CDH18: variants seen among roughly 807,000 people sequenced by gnomAD.
The protein encoded by CDH18 is cadherin 18.
Under a neutral mutation model 67.9 loss-of-function variants are expected in CDH18, and 31 were observed. That is an observed-to-expected ratio of 0.46 (90% CI 0.34 to 0.62). The LOEUF (loss-of-function observed/expected upper bound fraction) is 0.62, where lower values mean the gene tolerates loss of function less well. Among genes scored for constraint, CDH18 ranks in the 20% least tolerant of loss-of-function variants. The pLI is 0.01. For synonymous variants in CDH18, 362 were observed against 347.2 expected (o/e 1.04, Z -0.48); for missense variants, 890 against 975.5 (o/e 0.91, Z 1.17).
At chr5:20,010,781 T>C (rs1429355633) in intron 2 of CDH18, among the ~76,000 whole-genome samples, 1 of 152,134 alleles carries the variant, frequency 6.6e-6, no homozygotes, top group Non-Finnish European at 1.5e-5. Context: ...ACTATCTCCT[T>C]TGTTTTTTAC....
rs370630427 is a variant in CDH18, at chr5:19,520,710, C to T, written c.1459G>A (p.Glu487Lys). The T allele has an allele frequency of 1.3e-5, 21 of 1,613,134 alleles. No individual in the cohort carries two copies. The highest frequency in any genetic ancestry group is 1.1e-4 in the African/African-American group (8 of 74,868). Residue 487 changes from glutamate (E) to lysine (K), a missense_variant, in exon 10 of 13, where the codon GAA (glutamate) becomes AAA (lysine). Physicochemically the swap from Glu to Lys is moderately conservative, Grantham distance 56 (BLOSUM62 1). This residue lies in a region of CDH18 where 656 missense variants were observed against 668.1 expected (regional missense o/e 0.98). Coordinates refer to ENST00000382275, the MANE Select transcript of CDH18 (RefSeq NM_004934.5). ...RVLDVNDNPP[E>K]LAREYDIIVC... The stretch of plus-strand genomic sequence containing the variant: ...ATAATATCATATTCCCTGGCAAGTT[C>T]GGGTGGATTGTCATTGACATCCAGA...
chr5:20,213,871 T>C (rs1409979819), intron 2 of CDH18, among the ~76,000 whole-genome samples: 5 of 152,018 alleles, frequency 3.3e-5, no homozygotes, highest in Admixed American at 1.3e-4. Flanking sequence ...TCTTAGTGTC[T>C]CAGTCTCATT....
At chr5:20,035,891 G>T (rs1239411276) in intron 2 of CDH18, among the ~76,000 whole-genome samples, 2 of 151,766 alleles carry the variant, frequency 1.3e-5, no homozygotes, top group Non-Finnish European at 2.9e-5. Context: ...TCTTGTTTCT[G>T]GTTTCACTTT....
intron 12 of CDH18, among the ~76,000 whole-genome samples, chr5:19,479,473 A>G (rs369859020): frequency 1.3e-5 from 2 of 152,184 alleles, no homozygotes; most frequent in African/African-American, 4.8e-5. Flanking sequence ...ATACTTTCTG[A>G]ATAACAATAA....
At chr5:19,692,780 T>G (rs1022300457) in intron 5 of CDH18, among the ~76,000 whole-genome samples, 1 of 151,934 alleles carries the variant, frequency 6.6e-6, no homozygotes, top group Non-Finnish European at 1.5e-5. Context: ...ATACTCTTAG[T>G]TGGGATGTAA....
chr5:20,203,168 T>C (rs967317403), intron 2 of CDH18, among the ~76,000 whole-genome samples: 1 of 152,156 alleles, frequency 6.6e-6, no homozygotes, highest in Non-Finnish European at 1.5e-5. Context: ...GTGATGGAGA[T>C]GAACAATCAG....
chr5:19,749,665 T>C (rs1770577929), intron 3 of CDH18, among the ~76,000 whole-genome samples: 1 of 150,910 alleles, frequency 6.6e-6, no homozygotes, highest in Non-Finnish European at 1.5e-5. Flanking sequence ...ACCTACAGCA[T>C]CTATTAAGCA....
At chr5:20,129,879 T>C (rs1205294626) in intron 2 of CDH18, among the ~76,000 whole-genome samples, 1 of 151,892 alleles carries the variant, frequency 6.6e-6, no homozygotes. Flanking sequence ...AATGGGATAA[T>C]GTTTGAAGAA....
chr5:19,807,617 C>A (rs1418412823), intron 3 of CDH18, among the ~76,000 whole-genome samples: 1 of 152,142 alleles, frequency 6.6e-6, no homozygotes, highest in Non-Finnish European at 1.5e-5. Context: ...GCCTTCACTG[C>A]ACAAACTTCT....
chr5:20,520,134 C>T (rs753448018), intron 1 of CDH18, among the ~76,000 whole-genome samples: 2 of 151,296 alleles, frequency 1.3e-5, no homozygotes, highest in African/African-American at 4.9e-5. Flanking sequence ...GATGACAGGG[C>T]ATTAGGGTGT....
chr5:19,576,709 C>G (rs1426483969), intron 7 of CDH18, among the ~76,000 whole-genome samples: 1 of 152,064 alleles, frequency 6.6e-6, no homozygotes, highest in Admixed American at 6.6e-5. Flanking sequence ...AGTAGAATTC[C>G]CATAGGATCC....
At chr5:19,747,301 A>G in intron 3 of CDH18, 65 bp from the exon 4 acceptor site, 1 of 1,305,042 alleles carries the variant, frequency 7.7e-7, no homozygotes, top group Non-Finnish European at 1.1e-6. Context: ...ATGTTCTCTG[A>G]AAACTCCCTA....
intron 1 of CDH18, among the ~76,000 whole-genome samples, chr5:20,513,455 T>C (rs1447141250): frequency 2.0e-5 from 3 of 152,152 alleles, no homozygotes; most frequent in Non-Finnish European, 4.4e-5. Flanking sequence ...GGGACAAGTG[T>C]AGTTGGAAGT....
At chr5:20,567,643 T>C (rs2471115) in intron 1 of CDH18, among the ~76,000 whole-genome samples, 41,689 of 152,054 alleles carry the variant, frequency 0.27, 7,204 homozygotes, top group African/African-American at 0.49. Flanking sequence ...TGTGCTTTTT[T>C]TTCATCCTGC....
chr5:19,536,703 G>T (rs1035506471), intron 9 of CDH18, among the ~76,000 whole-genome samples: 2 of 152,170 alleles, frequency 1.3e-5, no homozygotes, highest in Non-Finnish European at 2.9e-5. Flanking sequence ...AGAAACAGAT[G>T]GAAGGCCTGG....
chr5:20,508,986 A>G (rs909947461), intron 1 of CDH18, among the ~76,000 whole-genome samples: 1 of 152,162 alleles, frequency 6.6e-6, no homozygotes, highest in Admixed American at 6.5e-5. Flanking sequence ...AAAATTGTAC[A>G]TATTTATTGT....
intron 5 of CDH18, among the ~76,000 whole-genome samples, chr5:19,687,760 G>T (rs536368016): frequency 2.0e-5 from 3 of 152,148 alleles, no homozygotes; most frequent in Non-Finnish European, 4.4e-5. Flanking sequence ...TGTGGCTTCC[G>T]CCACAGAAAG....
chr5:19,534,798 A>T (rs1749167326), intron 9 of CDH18, among the ~76,000 whole-genome samples: 1 of 152,160 alleles, frequency 6.6e-6, no homozygotes, highest in Non-Finnish European at 1.5e-5. Context: ...TTGCAGAAGT[A>T]ACAATGTGTA....
chr5:19,699,225 T>C (rs1244010670), intron 5 of CDH18, among the ~76,000 whole-genome samples: 1 of 152,148 alleles, frequency 6.6e-6, no homozygotes, highest in African/African-American at 2.4e-5. Flanking sequence ...CACTCATATT[T>C]TGCATTAGGT....
Sources: allele counts gnomAD v4.1 joint callset (sites outside exome capture counted in the v4.1 genomes callset), GRCh38; gene constraint gnomAD v4.1.1; regional missense constraint gnomAD v4.1.1; transcripts MANE v1.5; gene names NCBI Gene and HGNC (gene_info 2026-07-23, HGNC 2026-07-21).